The following CSNK1A1 variants were observed in gnomAD, a reference collection of about 807,000 sequenced individuals.
The protein encoded by CSNK1A1 is casein kinase 1 alpha 1.
A neutral mutation model predicts 46.1 loss-of-function variants in CSNK1A1; 7 were observed. The ratio of observed to expected loss-of-function variants is 0.15; its 90% CI spans 0.09 to 0.29. The LOEUF (loss-of-function observed/expected upper bound fraction) is 0.29. Among genes scored for constraint, CSNK1A1 ranks in the 10% least tolerant of loss-of-function variants. CSNK1A1 has a pLI of 1.00. For synonymous variants in CSNK1A1, 137 were observed against 141.5 expected (o/e 0.97, Z 0.23); for missense variants, 96 against 417.1 (o/e 0.23, Z 6.71).
chr5:149,528,465 T>C (rs901865025), intron 2 of CSNK1A1, among the ~76,000 whole-genome samples: 1 of 152,180 alleles, frequency 6.6e-6, no homozygotes, highest in Non-Finnish European at 1.5e-5. Context: ...ACACCCTCCA[T>C]CTGTGCTCTT....
intron 2 of CSNK1A1, among the ~76,000 whole-genome samples, chr5:149,544,860 G>A (rs181904158): frequency 6.6e-6 from 1 of 150,428 alleles, no homozygotes; most frequent in Non-Finnish European, 1.5e-5. Context: ...TTGGGGCCAG[G>A]TGCAGTGGTC....
chr5:149,521,746 A>G (rs951844018), intron 3 of CSNK1A1, among the ~76,000 whole-genome samples: 1 of 151,772 alleles, frequency 6.6e-6, no homozygotes, highest in Non-Finnish European at 1.5e-5. Flanking sequence ...CCTCCCGAGT[A>G]GTTGGGATTA....
At chr5:149,532,565 C>T (rs566949377) in intron 2 of CSNK1A1, among the ~76,000 whole-genome samples, 2 of 151,732 alleles carry the variant, frequency 1.3e-5, no homozygotes, top group Admixed American at 6.6e-5. Flanking sequence ...TGGCGTTGGG[C>T]GCCTGTAATC....
At chr5:149,521,871 G>A (rs1464049909) in intron 3 of CSNK1A1, among the ~76,000 whole-genome samples, 1 of 152,062 alleles carries the variant, frequency 6.6e-6, no homozygotes, top group African/African-American at 2.4e-5. Flanking sequence ...GCCTCCCAAA[G>A]AGCTGGGATT....
At chr5:149,504,072 G>A (rs1489907471) in intron 9 of CSNK1A1, 1 of 985,396 alleles carries the variant, frequency 1.0e-6, no homozygotes, top group South Asian at 4.7e-5. Context: ...TTGGCACTAT[G>A]ATTAGTTATA....
intron 2 of CSNK1A1, among the ~76,000 whole-genome samples, chr5:149,531,466 C>T (rs971936613): frequency 6.6e-6 from 1 of 151,068 alleles, no homozygotes; most frequent in Admixed American, 6.6e-5. Flanking sequence ...TGCAGTGAGC[C>T]GAGATCACGC....
Position 149,517,968 on chromosome 5 carries a change from G to A in CSNK1A1, c.456+2322C>T, listed in dbSNP as rs1580835032. 6.4e-6 allele frequency: 5 copies of A among 784,368 alleles called. No homozygotes were observed. The East Asian group carries it at 1.4e-4, about 21-fold the overall frequency. 48.6% of individuals were successfully genotyped at this position (784,368 alleles called of 1,614,324 possible). The stretch of plus-strand genomic sequence containing the variant: ...GCAGACAGGCAACACCGAGGCATTA[G>A]AGAAAGAACAGGGTAGCCAAATGCC... On this transcript the variant is annotated intron_variant, in intron 4 of 9. Coordinates refer to ENST00000377843, the MANE Select transcript of CSNK1A1 (RefSeq NM_001892.6). This position sits in a 1 kb window ranked among gnomAD's most constrained non-coding sequence, Gnocchi z 4.4.
chr5:149,508,559 C>T (rs536065440), intron 7 of CSNK1A1, among the ~76,000 whole-genome samples: 8 of 152,324 alleles, frequency 5.3e-5, no homozygotes, highest in African/African-American at 1.9e-4. Context: ...AAATACCTCT[C>T]TATTCTAAAC....
chr5:149,502,745 A>G, intron 9 of CSNK1A1: 1 of 983,156 alleles, frequency 1.0e-6, no homozygotes, highest in Middle Eastern at 5.2e-4. Flanking sequence ...ATTGGGATCA[A>G]TGAATCATTG....
At chr5:149,546,260 C>T (rs1446699169) in intron 2 of CSNK1A1, among the ~76,000 whole-genome samples, 3 of 152,028 alleles carry the variant, frequency 2.0e-5, no homozygotes, top group African/African-American at 4.8e-5. Context: ...TCAAATTACA[C>T]AGGAAGGACC....
intron 2 of CSNK1A1, among the ~76,000 whole-genome samples, chr5:149,528,109 T>C (rs1761776215): frequency 6.6e-6 from 1 of 152,168 alleles, no homozygotes; most frequent in Non-Finnish European, 1.5e-5. Context: ...CTAACTCCCT[T>C]AATAGTTAGA....
At chr5:149,518,791 G>A (rs1238074115) in intron 4 of CSNK1A1, among the ~76,000 whole-genome samples, 2 of 151,940 alleles carry the variant, frequency 1.3e-5, no homozygotes, top group Admixed American at 6.6e-5. Context: ...TATTCTTAAG[G>A]GGGTTGTGGG....
chr5:149,539,104 T>C, intron 2 of CSNK1A1, among the ~76,000 whole-genome samples: 1 of 152,046 alleles, frequency 6.6e-6, no homozygotes. Context: ...TGTGAAGAGG[T>C]AAATGGTTTC....
intron 3 of CSNK1A1, among the ~76,000 whole-genome samples, chr5:149,523,580 G>T (rs1004359827): frequency 6.6e-6 from 1 of 152,204 alleles, no homozygotes; most frequent in Non-Finnish European, 1.5e-5. Flanking sequence ...ACATTTGCTT[G>T]AGCCACTGAG....
chr5:149,493,093 C>T lies in CSNK1A1; in HGVS notation c.*3760G>A, dbSNP rs535245314. 3.9e-5 allele frequency: 6 copies of T among 152,198 alleles called. No individual in the cohort carries two copies. The highest frequency in any genetic ancestry group is 1.2e-4 in the African/African-American group (5 of 41,450). 9.4% of individuals were successfully genotyped at this position (152,198 alleles called of 1,614,324 possible). Reference sequence around the variant, plus strand: ...ATCCACCTTTTTGTTGTTGTTGAGACGGAGTCTCACTGCAACGCCCAGGCT... The same window carrying T: ...ATCCACCTTTTTGTTGTTGTTGAGATGGAGTCTCACTGCAACGCCCAGGCT... On this transcript the variant is annotated 3_prime_UTR_variant, in exon 10 of 10. Coordinates refer to ENST00000377843, the MANE Select transcript of CSNK1A1 (RefSeq NM_001892.6).
At chr5:149,540,656 ATAAAT>A (rs1428191571) in intron 2 of CSNK1A1, among the ~76,000 whole-genome samples, 3 of 152,186 alleles carry the variant, frequency 2.0e-5, no homozygotes, top group Non-Finnish European at 4.4e-5. Flanking sequence ...TAAAAAATAA[ATAAAT>A]AAAATAAAAC....
chr5:149,547,248 A>G (rs1317136093), intron 2 of CSNK1A1, among the ~76,000 whole-genome samples: 1 of 152,224 alleles, frequency 6.6e-6, no homozygotes, highest in Non-Finnish European at 1.5e-5. Context: ...CAGACAGCTT[A>G]TAACTACCAT....
chr5:149,507,908 T>C (rs1286192097), intron 7 of CSNK1A1, among the ~76,000 whole-genome samples: 3 of 152,250 alleles, frequency 2.0e-5, no homozygotes, highest in African/African-American at 7.2e-5. Flanking sequence ...TCTGTGGGCA[T>C]AGAATTTTTC....
chr5:149,494,044 T>C lies in CSNK1A1; in HGVS notation c.*2809A>G, dbSNP rs1760592193. The C allele has an allele frequency of 6.6e-6, 1 of 152,228 alleles. No homozygotes were observed. Among genetic ancestry groups the C allele is most frequent in the South Asian group, 2.1e-4 (1 of 4,836 alleles). 9.4% of individuals were successfully genotyped at this position (152,228 alleles called of 1,614,324 possible). ...CATGACTCATTCTAGTCAAAAGCTA[T>C]AAGAACATATTCCTTAATAGTTCAG... is the stretch of plus-strand genomic sequence containing the variant. On this transcript the variant is annotated 3_prime_UTR_variant, in exon 10 of 10. Transcript: ENST00000377843.
Sources: allele counts gnomAD v4.1 joint callset (sites outside exome capture counted in the v4.1 genomes callset), GRCh38; gene constraint gnomAD v4.1.1; non-coding constraint Gnocchi (gnomAD v3.1); transcripts MANE v1.5; gene names NCBI Gene and HGNC (gene_info 2026-07-23, HGNC 2026-07-21).